The following PRKG1 variants were observed in gnomAD, a reference collection of about 807,000 sequenced individuals.
PRKG1 encodes the protein protein kinase cGMP-dependent 1, also known as cGMP-dependent protein kinase 1.
PRKG1 carries 35 observed loss-of-function variants against 88.1 expected under a neutral mutation model. The ratio of observed to expected loss-of-function variants is 0.40; its 90% CI spans 0.30 to 0.53. The LOEUF is 0.53. Among genes scored for constraint, PRKG1 ranks in the 20% least tolerant of loss-of-function variants. The pLI is 0.59. For missense variants in PRKG1, 540 were observed against 839.8 expected (o/e 0.64, Z 4.41); for synonymous variants, 303 against 292.5 (o/e 1.04, Z -0.37).
At chr10:51,104,910 T>C (rs1490228579) in intron 1 of PRKG1, among the ~76,000 whole-genome samples, 2 of 151,998 alleles carry the variant, frequency 1.3e-5, no homozygotes, top group Non-Finnish European at 2.9e-5. Context: ...TGTATTGTTT[T>C]AGTAGAGATG....
intron 5 of PRKG1, among the ~76,000 whole-genome samples, chr10:52,017,601 A>G (rs1332758180): frequency 6.6e-6 from 1 of 152,164 alleles, no homozygotes; most frequent in Non-Finnish European, 1.5e-5. Flanking sequence ...GAGCAGAAGT[A>G]GAATTTGATG....
At chr10:51,480,061 T>A (rs1038770959) in intron 3 of PRKG1, among the ~76,000 whole-genome samples, 4 of 152,112 alleles carry the variant, frequency 2.6e-5, no homozygotes, top group African/African-American at 9.7e-5. Flanking sequence ...GTCATTAATG[T>A]CTCTGAGCAT....
intron 9 of PRKG1, among the ~76,000 whole-genome samples, chr10:52,198,016 T>C (rs1331779411): frequency 6.6e-6 from 1 of 152,208 alleles, no homozygotes; most frequent in Non-Finnish European, 1.5e-5. Flanking sequence ...GTAGCATTAT[T>C]TCATTACTCA....
intron 5 of PRKG1, among the ~76,000 whole-genome samples, chr10:51,969,989 C>A (rs1843664628): frequency 6.9e-6 from 1 of 145,330 alleles, no homozygotes; most frequent in African/African-American, 2.6e-5. Context: ...CTTTATTTGC[C>A]CATTCTCTTC....
chr10:51,886,899 T>C (rs72634651), intron 4 of PRKG1, among the ~76,000 whole-genome samples: 28,482 of 152,150 alleles, frequency 0.19, 3,166 homozygotes, highest in East Asian at 0.48. Flanking sequence ...CAAGCTCACA[T>C]CTCTCAGTAC....
intron 2 of PRKG1, among the ~76,000 whole-genome samples, chr10:51,315,135 G>T (rs993836882): frequency 6.6e-6 from 1 of 152,118 alleles, no homozygotes; most frequent in Non-Finnish European, 1.5e-5. Context: ...TTTCAATATT[G>T]TGTCCAAATA....
intron 1 of PRKG1, among the ~76,000 whole-genome samples, chr10:51,097,931 T>A (rs1296321994): frequency 8.7e-6 from 1 of 115,366 alleles, no homozygotes; most frequent in Non-Finnish European, 1.9e-5. Flanking sequence ...CTGGATCTCC[T>A]CCACCCCCAG....
chr10:51,021,653 C>A (rs1195877353), intron 1 of PRKG1, among the ~76,000 whole-genome samples: 1 of 152,078 alleles, frequency 6.6e-6, no homozygotes, highest in African/African-American at 2.4e-5. Context: ...CTTCTATCAA[C>A]TAAAAATAAA....
chr10:51,671,127 C>T (rs1266958347), intron 3 of PRKG1, among the ~76,000 whole-genome samples: 1 of 152,106 alleles, frequency 6.6e-6, no homozygotes, highest in African/African-American at 2.4e-5. Flanking sequence ...ATGCTAAATT[C>T]TGCTTTATGA....
intron 3 of PRKG1, among the ~76,000 whole-genome samples, chr10:51,620,354 T>C (rs575325929): frequency 2.0e-5 from 3 of 152,096 alleles, no homozygotes; most frequent in Non-Finnish European, 4.4e-5. Context: ...CTGTGGTCAT[T>C]TGGCTCTCTA....
intron 1 of PRKG1, among the ~76,000 whole-genome samples, chr10:51,087,988 C>T (rs986745650): frequency 1.3e-5 from 2 of 152,128 alleles, no homozygotes; most frequent in African/African-American, 2.4e-5. Context: ...TGGTCTTGAA[C>T]CCCTGAGCTC....
intron 3 of PRKG1, among the ~76,000 whole-genome samples, chr10:51,741,614 G>A (rs780058114): frequency 3.9e-5 from 6 of 152,130 alleles, no homozygotes; most frequent in Non-Finnish European, 7.3e-5. Context: ...AGATAGTGAT[G>A]CAAGGTAATA....
intron 3 of PRKG1, among the ~76,000 whole-genome samples, chr10:51,788,488 T>G (rs1416066862): frequency 6.6e-6 from 1 of 152,150 alleles, no homozygotes; most frequent in African/African-American, 2.4e-5. Context: ...TTCCTGGTGA[T>G]TTTTTTCCCA....
At chr10:51,558,629 T>G (rs1837375423) in intron 3 of PRKG1, among the ~76,000 whole-genome samples, 1 of 152,060 alleles carries the variant, frequency 6.6e-6, no homozygotes, top group Non-Finnish European at 1.5e-5. Context: ...TTGATTTAGC[T>G]ATAAAAATAC....
At chr10:51,705,830 T>C (rs1449541661) in intron 3 of PRKG1, among the ~76,000 whole-genome samples, 1 of 152,236 alleles carries the variant, frequency 6.6e-6, no homozygotes, top group East Asian at 1.9e-4. Flanking sequence ...AGCTCATAAA[T>C]CATTGTTCTA....
chr10:51,068,007 A>G (rs757658728), intron 1 of PRKG1, among the ~76,000 whole-genome samples: 4 of 152,102 alleles, frequency 2.6e-5, no homozygotes, highest in Non-Finnish European at 4.4e-5. Context: ...GGCAAGGCCA[A>G]TGATAATGTT....
chr10:52,198,583 T>C (rs961898400), intron 9 of PRKG1, among the ~76,000 whole-genome samples: 1 of 152,122 alleles, frequency 6.6e-6, no homozygotes, highest in Non-Finnish European at 1.5e-5. Flanking sequence ...TGCCACAAAA[T>C]GGGTGGTTTA....
intron 9 of PRKG1, among the ~76,000 whole-genome samples, chr10:52,188,295 T>TACAC (rs1464455617): frequency 3.2e-5 from 3 of 93,758 alleles, no homozygotes; most frequent in African/African-American, 1.3e-4. Flanking sequence ...TATGTGTATA[T>TACAC]ATATATGTAT....
chr10:51,352,501 A>C (rs1842272558), intron 2 of PRKG1, among the ~76,000 whole-genome samples: 1 of 152,168 alleles, frequency 6.6e-6, no homozygotes. Context: ...TAATAGCCAC[A>C]AGTAAAATTA....
Sources: gnomAD v4.1 joint callset for allele counts (sites outside exome capture counted in the v4.1 genomes callset) on GRCh38, gnomAD v4.1.1 for gene constraint, MANE v1.5 for transcripts, NCBI Gene and HGNC (gene_info 2026-07-23, HGNC 2026-07-21) for gene names.